Variants in SAMMSON observed in about 807,000 individuals in gnomAD.
The protein encoded by SAMMSON is long intergenic non-protein coding RNA 1212.
At chr3:70,022,002 A>G (rs2067015595) in intron 3 of SAMMSON, among the ~76,000 whole-genome samples, 1 of 152,082 alleles carries the variant, frequency 6.6e-6, no homozygotes, top group Admixed American at 6.6e-5. Context: ...AGGCACCAGA[A>G]TGGAGGCGGT....
chr3:70,422,800 T>C (rs1701323012), intron 2 of SAMMSON, among the ~76,000 whole-genome samples: 1 of 151,912 alleles, frequency 6.6e-6, no homozygotes, highest in African/African-American at 2.4e-5. Context: ...TTTCTAAAAT[T>C]ACATGTAAAA....
intron 6 of SAMMSON, among the ~76,000 whole-genome samples, chr3:70,282,530 C>G (rs762176773): frequency 2.0e-5 from 3 of 152,162 alleles, no homozygotes; most frequent in Non-Finnish European, 2.9e-5. Flanking sequence ...CAGCCTGGTT[C>G]ATTCTATTTT....
chr3:70,225,973 C>T (rs977998299), intron 4 of SAMMSON, among the ~76,000 whole-genome samples: 3 of 152,076 alleles, frequency 2.0e-5, no homozygotes, highest in African/African-American at 7.2e-5. Context: ...ACAATGTAGA[C>T]AGGATGAGAC....
At chr3:70,209,404 C>T (rs892019683) in intron 4 of SAMMSON, among the ~76,000 whole-genome samples, 2 of 151,980 alleles carry the variant, frequency 1.3e-5, no homozygotes, top group Admixed American at 6.6e-5. Context: ...CACAGAGTGG[C>T]GTGTATCTTA....
intron 2 of SAMMSON, among the ~76,000 whole-genome samples, chr3:70,430,227 T>C (rs1701402972): frequency 6.6e-6 from 1 of 152,168 alleles, no homozygotes; most frequent in Admixed American, 6.5e-5. Context: ...GAGATAATCA[T>C]GTGGTTTTTG....
intron 2 of SAMMSON, among the ~76,000 whole-genome samples, chr3:70,411,191 A>G (rs1249099286): frequency 6.6e-6 from 1 of 152,218 alleles, no homozygotes; most frequent in Non-Finnish European, 1.5e-5. Flanking sequence ...TTGCCAAGTT[A>G]TCTTGACTAA....
chr3:70,078,014 C>G lies in SAMMSON; in HGVS notation n.507+6449C>G, dbSNP rs1013064127. Reference sequence around the variant, plus strand: ...CCGTTTATCCCTGCTGCAATACTTCCGTGCATTTCACACACTTAACCTTTA... The same window carrying G: ...CCGTTTATCCCTGCTGCAATACTTCGGTGCATTTCACACACTTAACCTTTA... On this transcript the variant is annotated intron_variant and non_coding_transcript_variant, in intron 4 of 9. Transcript: ENST00000642114. 9.9e-5 allele frequency among the ~76,000 whole-genome samples: 15 copies of G among 152,262 alleles called. No homozygotes were observed. In the South Asian group the frequency reaches 3.1e-3, roughly 32 times the overall value.
intron 7 of SAMMSON, among the ~76,000 whole-genome samples, chr3:70,333,417 CAT>C (rs1310720249): frequency 7.2e-5 from 11 of 151,978 alleles, no homozygotes; most frequent in African/African-American, 2.7e-4. Flanking sequence ...TACACACACA[CAT>C]GTATAAAACA....
chr3:70,292,561 C>G (rs917240803), intron 7 of SAMMSON, among the ~76,000 whole-genome samples: 8 of 152,106 alleles, frequency 5.3e-5, no homozygotes, highest in Non-Finnish European at 7.4e-5. Context: ...AGTTTATAAA[C>G]TTGTAAGTAT....
chr3:70,036,677 C>T (rs945237527), intron 3 of SAMMSON, among the ~76,000 whole-genome samples: 7 of 152,048 alleles, frequency 4.6e-5, no homozygotes, highest in African/African-American at 1.7e-4. Context: ...GAATTCAACC[C>T]ATAGAACAAA....
intron 3 of SAMMSON, among the ~76,000 whole-genome samples, chr3:70,058,456 A>G (rs938482183): frequency 1.2e-4 from 18 of 152,096 alleles, no homozygotes; most frequent in Non-Finnish European, 4.4e-5. Flanking sequence ...AAGGGGTTTC[A>G]TGAAGCTATG....
At chr3:70,403,458 A>G (rs777424979) in intron 2 of SAMMSON, among the ~76,000 whole-genome samples, 24 of 152,252 alleles carry the variant, frequency 1.6e-4, no homozygotes, top group Non-Finnish European at 2.8e-4. Flanking sequence ...TAATGCACCT[A>G]TCTTCAGGTA....
chr3:70,252,062 T>G (rs1053376624), intron 6 of SAMMSON, among the ~76,000 whole-genome samples: 1 of 152,228 alleles, frequency 6.6e-6, no homozygotes, highest in Non-Finnish European at 1.5e-5. Flanking sequence ...TTTCTCCTGT[T>G]ATTATTAAGT....
chr3:70,250,715 C>T (rs1701757129), intron 6 of SAMMSON, among the ~76,000 whole-genome samples: 1 of 152,122 alleles, frequency 6.6e-6, no homozygotes, highest in Non-Finnish European at 1.5e-5. Context: ...TTTCCACTGG[C>T]AATTCTTTTG....
chr3:70,186,013 C>G (rs1701088662), intron 4 of SAMMSON, among the ~76,000 whole-genome samples: 1 of 151,952 alleles, frequency 6.6e-6, no homozygotes, highest in African/African-American at 2.4e-5. Flanking sequence ...ATGCCATAGT[C>G]CTGACCCACT....
chr3:70,153,698 A>G (rs555566140), intron 4 of SAMMSON, among the ~76,000 whole-genome samples: 1 of 152,134 alleles, frequency 6.6e-6, no homozygotes, highest in South Asian at 2.1e-4. Context: ...TCTTTTTACT[A>G]TGGTAAAATA....
At chr3:70,326,762 T>C (rs1359110255) in intron 7 of SAMMSON, among the ~76,000 whole-genome samples, 1 of 152,222 alleles carries the variant, frequency 6.6e-6, no homozygotes, top group Non-Finnish European at 1.5e-5. Flanking sequence ...TCTATGGACA[T>C]GAGAATTACA....
intron 1 of SAMMSON, among the ~76,000 whole-genome samples, chr3:70,010,030 A>G (rs2066947117): frequency 6.6e-6 from 1 of 151,700 alleles, no homozygotes; most frequent in Non-Finnish European, 1.5e-5. Context: ...CTGTTCTTTT[A>G]CATTTGCTGA....
At chr3:70,293,751 CTT>C (rs1043004324) in intron 7 of SAMMSON, among the ~76,000 whole-genome samples, 1 of 151,554 alleles carries the variant, frequency 6.6e-6, no homozygotes, top group African/African-American at 2.4e-5. Flanking sequence ...TCTGGATAGT[CTT>C]AGGAAAAATA....
Sources: allele counts gnomAD v4.1 joint callset (sites outside exome capture counted in the v4.1 genomes callset), GRCh38; gene constraint gnomAD v4.1.1; transcripts MANE v1.5; gene names NCBI Gene and HGNC (gene_info 2026-07-23, HGNC 2026-07-21).